The following SGMS1 variants were observed in gnomAD, a reference collection of about 807,000 sequenced individuals.
SGMS1 encodes phosphatidylcholine:ceramide cholinephosphotransferase 1.
Under a neutral mutation model 46.2 loss-of-function variants are expected in SGMS1, and 13 were observed. The ratio of observed to expected loss-of-function variants is 0.28; its 90% CI spans 0.18 to 0.45. The LOEUF (loss-of-function observed/expected upper bound fraction) is 0.45. Ranked by LOEUF, SGMS1 falls within the 20% of genes least tolerant of loss-of-function variation. SGMS1 has a pLI of 1.00. For synonymous variants in SGMS1, 203 were observed against 187.8 expected, an observed-to-expected ratio of 1.08 and a Z score of -0.66; for missense variants, 324 against 519.9, an observed-to-expected ratio of 0.62 and a Z score of 3.66.
At position 50,308,102 on chromosome 10, in the gene SGMS1, G is replaced by A. The variant is rs1564869669; in HGVS notation, c.942C>T (p.Leu314=). The A allele has an allele frequency of 1.2e-6, 2 of 1,613,976 alleles. No individual in the cohort carries two copies. Among genetic ancestry groups the A allele is most frequent in the Non-Finnish European group, 1.7e-6 (2 of 1,179,902 alleles). Residue 314 remains leucine (L), a synonymous_variant, in exon 10 of 11, where the codon CTC becomes CTT. Transcript: ENST00000361781. The stretch of plus-strand genomic sequence containing the variant: ...GAATACAGAAGATTCCAACTACGCT[G>A]AGAAGCCAGCAAATCCAGTGATACC... ...LWWYHWICWL[L]SVVGIFCILL... is the part of the protein sequence containing the mutation.
chr10:50,429,449 G>GTACTT (rs1485837174), intron 6 of SGMS1, among the ~76,000 whole-genome samples: 5 of 152,014 alleles, frequency 3.3e-5, no homozygotes, highest in African/African-American at 1.2e-4. Context: ...CTATTATGTT[G>GTACTT]ACACAACAAC....
chr10:50,496,623 A>G (rs1569963), intron 3 of SGMS1, among the ~76,000 whole-genome samples: 1 of 151,966 alleles, frequency 6.6e-6, no homozygotes, highest in East Asian at 1.9e-4. Flanking sequence ...AGAGCTGCCT[A>G]ATGGCTCCCA....
rs16937212 is a variant in SGMS1, at chr10:50,436,829, C to G, written c.-312-3273G>C. On this transcript the variant is annotated intron_variant, in intron 5 of 10. Coordinates refer to ENST00000361781, the MANE Select transcript of SGMS1 (RefSeq NM_147156.4). ...GAGACACAGTTGTTTGATTCTTAGC[C>G]TCTTTCTCCAAATGATCTAGTTTAC... 3.2e-3 allele frequency among the ~76,000 whole-genome samples: 489 copies of G among 152,300 alleles called. 6 individuals are homozygous for G. Among genetic ancestry groups the G allele is most frequent in the Admixed American group, 0.025 (389 of 15,306 alleles).
chr10:50,434,124 C>T (rs1248586370), intron 5 of SGMS1, among the ~76,000 whole-genome samples: 3 of 152,224 alleles, frequency 2.0e-5, no homozygotes, highest in African/African-American at 7.2e-5. Flanking sequence ...CTGGAGGATT[C>T]ATATAATTCA....
At chr10:50,597,112 G>A (rs1264132408) in intron 1 of SGMS1, among the ~76,000 whole-genome samples, 1 of 152,120 alleles carries the variant, frequency 6.6e-6, no homozygotes, top group Non-Finnish European at 1.5e-5. Flanking sequence ...CAACAATGCT[G>A]ATATAAAAAG....
chr10:50,515,755 G>C (rs992680269), intron 3 of SGMS1, among the ~76,000 whole-genome samples: 6 of 152,148 alleles, frequency 3.9e-5, no homozygotes, highest in Admixed American at 1.3e-4. Context: ...ACTAGCAGCA[G>C]TGACTGAACT....
chr10:50,352,365 C>A (rs1848033725), intron 6 of SGMS1, among the ~76,000 whole-genome samples: 1 of 152,156 alleles, frequency 6.6e-6, no homozygotes, highest in Non-Finnish European at 1.5e-5. Flanking sequence ...TTAGCCTGGG[C>A]TCAGAGAAGA....
chr10:50,624,266 G>A (rs1015190123), upstream of SGMS1: 11 of 354,892 alleles, frequency 3.1e-5, no homozygotes, highest in East Asian at 1.7e-3. Flanking sequence ...GGGCAGGGCC[G>A]GAGACGGGAG....
intron 2 of SGMS1, among the ~76,000 whole-genome samples, chr10:50,570,013 T>C (rs74600818): frequency 8.5e-4 from 130 of 152,354 alleles, no homozygotes; most frequent in Non-Finnish European, 1.6e-3. Context: ...TAGGAATTTA[T>C]GGTTACATTT....
At chr10:50,490,001 AAAACGGCTT>A (rs1235933825) in intron 3 of SGMS1, among the ~76,000 whole-genome samples, 13 of 152,290 alleles carry the variant, frequency 8.5e-5, no homozygotes, top group African/African-American at 3.1e-4. Flanking sequence ...AATAAAAATA[AAAACGGCTT>A]AGTCAAATAC....
At chr10:50,522,772 G>A (rs1300234707) in intron 2 of SGMS1, among the ~76,000 whole-genome samples, 12 of 151,982 alleles carry the variant, frequency 7.9e-5, no homozygotes, top group South Asian at 2.1e-4. Context: ...AATGGCTAAG[G>A]TATTCAGCAA....
At chr10:50,571,831 T>C (rs747212423) in intron 2 of SGMS1, among the ~76,000 whole-genome samples, 3 of 152,028 alleles carry the variant, frequency 2.0e-5, no homozygotes, top group Non-Finnish European at 2.9e-5. Flanking sequence ...CCGAGGCAAA[T>C]GGCATCCTCA....
chr10:50,307,146 G>A lies in SGMS1; in HGVS notation c.1238C>T (p.Thr413Ile), dbSNP rs1415212626. ...TTTCCCCACTTTGTACAGCTGTTAT[G>A]TGTCATTCACCAGCCGGCTGTATTT... ...QVKYSRLVND[T>I] Residue 413 changes from threonine to isoleucine, a missense_variant, in exon 11 of 11, where the codon ACA becomes ATA. Physicochemically the swap from Thr to Ile is moderately conservative, Grantham distance 89 (BLOSUM62 -1). Transcript: ENST00000361781. The surrounding 1 kb of genome is among the most constrained non-coding windows in gnomAD (Gnocchi z 4.2). 1 of 1,613,804 alleles carries A rather than the reference G, an allele frequency of 6.2e-7. No individual in the cohort carries two copies.
intron 6 of SGMS1, among the ~76,000 whole-genome samples, chr10:50,389,736 A>G (rs1293820376): frequency 6.6e-6 from 1 of 152,218 alleles, no homozygotes; most frequent in African/African-American, 2.4e-5. Flanking sequence ...AATTCAGCCT[A>G]GCTATGCCCA....
In SGMS1 at chr10:50,306,311, ATATATT is replaced by A. The variant is rs1847181883; in HGVS notation, c.*825_*830del. On this transcript the variant is annotated 3_prime_UTR_variant, in exon 11 of 11. Transcript: ENST00000361781. Reference sequence around the variant, plus strand: ...AAATGCAAAATTTAGTAGTGTATACATATATTTATATTTTCAAGGAATACTTTATTT... The same window carrying A: ...AAATGCAAAATTTAGTAGTGTATACATATATTTTCAAGGAATACTTTATTT... The A allele has an allele frequency of 6.6e-6, 1 of 152,564 alleles. No homozygotes were observed. Among genetic ancestry groups the A allele is most frequent in the Admixed American group, 6.5e-5 (1 of 15,288 alleles). 9.5% of individuals were successfully genotyped at this position (152,564 alleles called of 1,614,324 possible).
intron 7 of SGMS1, among the ~76,000 whole-genome samples, chr10:50,330,229 G>A (rs1282148890): frequency 1.3e-5 from 2 of 152,064 alleles, no homozygotes; most frequent in Admixed American, 6.5e-5. Flanking sequence ...TGAGGCAGGT[G>A]GATCACTTGA....
intron 6 of SGMS1, among the ~76,000 whole-genome samples, chr10:50,415,158 A>C (rs552753245): frequency 2.6e-5 from 4 of 152,342 alleles, no homozygotes; most frequent in Admixed American, 2.6e-4. Flanking sequence ...TGAAGCAGAC[A>C]TTGCATATCT....
chr10:50,465,468 C>G (rs1483489135), intron 4 of SGMS1, among the ~76,000 whole-genome samples: 1 of 152,012 alleles, frequency 6.6e-6, no homozygotes, highest in Non-Finnish European at 1.5e-5. Context: ...CAAACAAAAA[C>G]AGGATCCTAA....
chr10:50,415,766 T>C (rs1233974579), intron 6 of SGMS1, among the ~76,000 whole-genome samples: 1 of 152,120 alleles, frequency 6.6e-6, no homozygotes, highest in Non-Finnish European at 1.5e-5. Context: ...TCTCACAGAG[T>C]GTGCCTTTCA....
Sources: gnomAD v4.1 joint callset for allele counts (sites outside exome capture counted in the v4.1 genomes callset) on GRCh38, gnomAD v4.1.1 for gene constraint, Gnocchi (gnomAD v3.1) non-coding constraint, MANE v1.5 for transcripts, NCBI Gene and HGNC (gene_info 2026-07-23, HGNC 2026-07-21) for gene names.